The following ATP8A2 variants were observed in gnomAD, a reference collection of about 807,000 sequenced individuals.
ATP8A2 encodes the protein phospholipid-transporting ATPase IB.
In ATP8A2, 100 loss-of-function variants were observed where a neutral mutation model predicts 165.6. The ratio of observed to expected loss-of-function variants is 0.60; its 90% CI spans 0.51 to 0.71. The LOEUF is 0.71. Ranked by LOEUF, ATP8A2 falls within the 30% of genes least tolerant of loss-of-function variation. The pLI, the probability that ATP8A2 is intolerant of heterozygous loss-of-function variation, is 0.00. For synonymous variants in ATP8A2, 543 were observed against 548.8 expected (o/e 0.99, Z 0.15); for missense variants, 1,227 against 1,479.5 (o/e 0.83, Z 2.80).
At chr13:25,965,971 G>A (rs1226941561) in intron 34 of ATP8A2, among the ~76,000 whole-genome samples, 1 of 137,990 alleles carries the variant, frequency 7.2e-6, no homozygotes, top group African/African-American at 2.7e-5. Flanking sequence ...AGAATTATAT[G>A]TTTCCTTTTG....
intron 2 of ATP8A2, among the ~76,000 whole-genome samples, chr13:25,505,920 G>T (rs1366457073): frequency 1.3e-5 from 2 of 152,130 alleles, no homozygotes; most frequent in Non-Finnish European, 2.9e-5. Context: ...CAAGACCCGC[G>T]ATAGAGAAAG....
intron 24 of ATP8A2, among the ~76,000 whole-genome samples, chr13:25,691,915 C>A (rs1215846307): frequency 6.6e-6 from 1 of 152,152 alleles, no homozygotes; most frequent in Non-Finnish European, 1.5e-5. Context: ...CGTTTACACT[C>A]ATTAAGTTCT....
intron 33 of ATP8A2, among the ~76,000 whole-genome samples, chr13:25,922,137 A>G (rs1954477901): frequency 6.6e-6 from 1 of 152,208 alleles, no homozygotes; most frequent in Non-Finnish European, 1.5e-5. Flanking sequence ...ATCATCAATA[A>G]AAGTTCTCCT....
At position 25,464,578 on chromosome 13, in the gene ATP8A2, C is replaced by T. The variant is rs568829982; in HGVS notation, c.77-4399C>T. ...ATGCAGAAATGGTCCCTACCAGTTCCCATGTCAAAGTTCCCAGAAGAGAGA... is the reference window on the plus strand; with the variant it reads ...ATGCAGAAATGGTCCCTACCAGTTCTCATGTCAAAGTTCCCAGAAGAGAGA... On this transcript the variant is annotated intron_variant, in intron 1 of 36. Coordinates refer to ENST00000381655, the MANE Select transcript of ATP8A2 (RefSeq NM_016529.6). 1.6e-4 allele frequency among the ~76,000 whole-genome samples: 25 copies of T among 152,204 alleles called. 1 individual carries two copies. Among genetic ancestry groups the T allele is most frequent in the African/African-American group, 6.0e-4 (25 of 41,518 alleles).
At chr13:25,425,227 C>T (rs927923772) in intron 1 of ATP8A2, among the ~76,000 whole-genome samples, 2 of 152,042 alleles carry the variant, frequency 1.3e-5, no homozygotes, top group African/African-American at 4.8e-5. Context: ...ACTTGGGTTC[C>T]ATTACTGCTG....
At position 25,731,239 on chromosome 13, in the gene ATP8A2, A is replaced by G. The variant is rs2043623836; in HGVS notation, c.2384+31894A>G. On this transcript the variant is annotated intron_variant, in intron 25 of 36. Transcript: ENST00000381655. ...AGAAAGAAGAAAGAAGGAAAGAGAGAGAGAGGAAGGAAGGAAGGAAGGAAG... is the reference window on the plus strand; with the variant it reads ...AGAAAGAAGAAAGAAGGAAAGAGAGGGAGAGGAAGGAAGGAAGGAAGGAAG... Among the ~76,000 whole-genome samples, 6 of 149,884 alleles carry G rather than the reference A, an allele frequency of 4.0e-5. No homozygotes were observed. In the South Asian group the frequency reaches 1.1e-3, roughly 27 times the overall value.
At chr13:25,521,082 CATT>C in intron 2 of ATP8A2, among the ~76,000 whole-genome samples, 1 of 152,270 alleles carries the variant, frequency 6.6e-6, no homozygotes, top group East Asian at 1.9e-4. Context: ...GATGATATCT[CATT>C]ATGGTTTTGA....
intron 24 of ATP8A2, among the ~76,000 whole-genome samples, chr13:25,604,199 A>G (rs1023179342): frequency 6.6e-6 from 1 of 152,158 alleles, no homozygotes; most frequent in African/African-American, 2.4e-5. Flanking sequence ...GGCATTTTGG[A>G]AACCAACTGG....
rs564895464 is a variant in ATP8A2, at chr13:25,948,102, A to G, written c.3184-13473A>G. On this transcript the variant is annotated intron_variant, in intron 33 of 36. Coordinates refer to ENST00000381655, the MANE Select transcript of ATP8A2 (RefSeq NM_016529.6). ...TCACTATTAACACTTACTGTCTGTCACCAATCAGCAACCTATTCCCAGTAT... is the reference window on the plus strand; with the variant it reads ...TCACTATTAACACTTACTGTCTGTCGCCAATCAGCAACCTATTCCCAGTAT... Among the ~76,000 whole-genome samples, 39 of 152,280 alleles carry G rather than the reference A, an allele frequency of 2.6e-4. 1 individual carries two copies. Among genetic ancestry groups the G allele is most frequent in the African/African-American group, 8.9e-4 (37 of 41,548 alleles).
At chr13:25,884,258 T>C (rs2138865055) in intron 33 of ATP8A2, among the ~76,000 whole-genome samples, 1 of 152,160 alleles carries the variant, frequency 6.6e-6, no homozygotes, top group East Asian at 1.9e-4. Context: ...CACAGCAGCT[T>C]TGGGAAGGAT....
intron 33 of ATP8A2, among the ~76,000 whole-genome samples, chr13:25,904,455 G>A (rs893373705): frequency 1.1e-4 from 16 of 152,238 alleles, no homozygotes; most frequent in African/African-American, 2.2e-4. Flanking sequence ...ACCCGCACCC[G>A]TTGCCCCAGG....
intron 25 of ATP8A2, among the ~76,000 whole-genome samples, chr13:25,738,364 T>G (rs1165874070): frequency 7.3e-6 from 1 of 137,348 alleles, no homozygotes; most frequent in African/African-American, 2.6e-5. Flanking sequence ...ACACACTTCT[T>G]CTGGTAGTTG....
chr13:25,589,312 C>T (rs967975370), intron 23 of ATP8A2, among the ~76,000 whole-genome samples: 2 of 152,096 alleles, frequency 1.3e-5, no homozygotes, highest in African/African-American at 4.8e-5. Flanking sequence ...CATTGGGGTC[C>T]ACTGCCTTCC....
chr13:25,665,451 T>C (rs1454623968), intron 24 of ATP8A2, among the ~76,000 whole-genome samples: 1 of 151,942 alleles, frequency 6.6e-6, no homozygotes, highest in Non-Finnish European at 1.5e-5. Flanking sequence ...AAAAAGAACA[T>C]GTAGATCAGA....
intron 35 of ATP8A2, among the ~76,000 whole-genome samples, chr13:25,980,397 A>G (rs1179686709): frequency 1.3e-5 from 2 of 152,170 alleles, no homozygotes; most frequent in Non-Finnish European, 2.9e-5. Context: ...CAGTCAACCA[A>G]GAGGAGATCT....
intron 35 of ATP8A2, among the ~76,000 whole-genome samples, chr13:25,988,983 C>G (rs974654755): frequency 6.6e-6 from 1 of 152,244 alleles, no homozygotes; most frequent in Non-Finnish European, 1.5e-5. Flanking sequence ...CTTTGTGAGT[C>G]TTGCACGGGC....
At chr13:25,599,815 G>T (rs2040335425) in intron 24 of ATP8A2, among the ~76,000 whole-genome samples, 2 of 152,282 alleles carry the variant, frequency 1.3e-5, no homozygotes, top group Non-Finnish European at 2.9e-5. Flanking sequence ...GGTCCTACTT[G>T]CCATGGACAG....
chr13:25,982,873 C>T (rs1956197675), intron 35 of ATP8A2, among the ~76,000 whole-genome samples: 1 of 152,196 alleles, frequency 6.6e-6, no homozygotes. Flanking sequence ...ACATCCTCAT[C>T]TATGTGCCTC....
intron 24 of ATP8A2, among the ~76,000 whole-genome samples, chr13:25,686,826 C>CTTGGTT (rs1163495478): frequency 1.1e-3 from 162 of 152,234 alleles, no homozygotes; most frequent in Non-Finnish European, 2.1e-4. Context: ...TGGAATCCTG[C>CTTGGTT]TTCCTAAACC....
Sources: gnomAD v4.1 joint callset for allele counts (sites outside exome capture counted in the v4.1 genomes callset) on GRCh38, gnomAD v4.1.1 for gene constraint, MANE v1.5 for transcripts, NCBI Gene and HGNC (gene_info 2026-07-23, HGNC 2026-07-21) for gene names.